ROBO1: variants seen among roughly 807,000 people sequenced by gnomAD.
ROBO1 encodes the protein roundabout homolog 1.
ROBO1 carries 149 observed loss-of-function variants against 195.9 expected under a neutral mutation model. That is an observed-to-expected ratio of 0.76 (90% CI 0.67 to 0.87). The LOEUF is 0.87. Ranked by LOEUF, ROBO1 falls within the 40% of genes least tolerant of loss-of-function variation. ROBO1 has a pLI of 0.00. For missense variants in ROBO1, 1,933 were observed against 2,068.3 expected (o/e 0.93, Z 1.27); for synonymous variants, 816 against 733.2 (o/e 1.11, Z -1.82).
At chr3:79,750,399 T>C (rs1704082487) in intron 1 of ROBO1, among the ~76,000 whole-genome samples, 2 of 152,248 alleles carry the variant, frequency 1.3e-5, no homozygotes, top group East Asian at 3.9e-4. Context: ...GTTAAAGCTC[T>C]GGGGGACTGT....
chr3:79,555,990 T>C (rs1038948420), intron 2 of ROBO1, among the ~76,000 whole-genome samples: 17 of 152,128 alleles, frequency 1.1e-4, no homozygotes, highest in Admixed American at 6.6e-4. Flanking sequence ...ATGTGCTTCT[T>C]TGTTATATAA....
At chr3:79,183,265 G>A (rs1017218682) in intron 2 of ROBO1, among the ~76,000 whole-genome samples, 2 of 152,054 alleles carry the variant, frequency 1.3e-5, no homozygotes, top group African/African-American at 4.8e-5. Flanking sequence ...ATGCAAATGG[G>A]GTAAAATAGA....
chr3:79,126,703 C>T (rs1445152561), intron 2 of ROBO1, among the ~76,000 whole-genome samples: 2 of 152,112 alleles, frequency 1.3e-5, no homozygotes, highest in South Asian at 2.1e-4. Flanking sequence ...AGTGAAGAAG[C>T]GCAGATGTTT....
intron 2 of ROBO1, among the ~76,000 whole-genome samples, chr3:79,224,947 G>C (rs2082199461): frequency 6.6e-6 from 1 of 152,126 alleles, no homozygotes; most frequent in African/African-American, 2.4e-5. Context: ...AGATGAAGCT[G>C]AGGAGGAGGA....
At chr3:79,299,992 T>C (rs2032818976) in intron 2 of ROBO1, among the ~76,000 whole-genome samples, 1 of 152,248 alleles carries the variant, frequency 6.6e-6, no homozygotes, top group African/African-American at 2.4e-5. Context: ...ATTAAATAAA[T>C]ATTTCATTTT....
intron 2 of ROBO1, among the ~76,000 whole-genome samples, chr3:79,492,425 CAGAAAA>C (rs1321614106): frequency 1.3e-3 from 110 of 85,674 alleles, no homozygotes; most frequent in African/African-American, 2.7e-3. Flanking sequence ...GACTCTGTTT[CAGAAAA>C]AAAAAAAAAA....
At chr3:78,956,172 G>A (rs1207301218) in intron 3 of ROBO1, among the ~76,000 whole-genome samples, 1 of 152,036 alleles carries the variant, frequency 6.6e-6, no homozygotes, top group Non-Finnish European at 1.5e-5. Context: ...ATATTTAAAT[G>A]AGTAATTAGT....
chr3:78,766,322 G>T (rs752530990), intron 4 of ROBO1, among the ~76,000 whole-genome samples: 8 of 152,078 alleles, frequency 5.3e-5, no homozygotes, highest in Non-Finnish European at 1.2e-4. Flanking sequence ...CTTCCTAGAA[G>T]AATATAAAAA....
In ROBO1 at chr3:78,640,940, A is replaced by C. The variant is rs572075850; in HGVS notation, c.2883-1042T>G. On this transcript the variant is annotated intron_variant, in intron 21 of 30. Coordinates refer to ENST00000464233, the MANE Select transcript of ROBO1 (RefSeq NM_002941.4). Reference sequence around the variant, plus strand: ...CCTTCCATGGTTCTTATTCTAGCACATAGTCTACTGAGTAAAATTTAGTAT... The same window carrying C: ...CCTTCCATGGTTCTTATTCTAGCACCTAGTCTACTGAGTAAAATTTAGTAT... 2.6e-5 allele frequency among the ~76,000 whole-genome samples: 4 copies of C among 152,340 alleles called. No individual in the cohort carries two copies. In the East Asian group the frequency reaches 7.7e-4, roughly 29 times the overall value.
chr3:78,642,603 C>T (rs758687480), intron 21 of ROBO1, among the ~76,000 whole-genome samples: 2 of 152,188 alleles, frequency 1.3e-5, no homozygotes, highest in Non-Finnish European at 2.9e-5. Flanking sequence ...GTTTTCTCTG[C>T]TTTCTTGCTT....
chr3:79,343,894 C>G (rs934610748), intron 2 of ROBO1, among the ~76,000 whole-genome samples: 3 of 151,980 alleles, frequency 2.0e-5, no homozygotes, highest in Non-Finnish European at 4.4e-5. Context: ...GTCATAAGAC[C>G]TAGTTGTTTG....
chr3:79,330,012 T>C (rs1423152136), intron 2 of ROBO1, among the ~76,000 whole-genome samples: 1 of 151,980 alleles, frequency 6.6e-6, no homozygotes, highest in African/African-American at 2.4e-5. Context: ...TCAATAACCT[T>C]ATATAATTTT....
At chr3:79,609,613 G>A (rs902937722) in intron 1 of ROBO1, among the ~76,000 whole-genome samples, 8 of 152,018 alleles carry the variant, frequency 5.3e-5, no homozygotes, top group Admixed American at 5.3e-4. Flanking sequence ...TATGTCCATG[G>A]ATAGGTGAAC....
chr3:79,121,313 A>G (rs1399218557), intron 3 of ROBO1, among the ~76,000 whole-genome samples: 1 of 152,134 alleles, frequency 6.6e-6, no homozygotes, highest in African/African-American at 2.4e-5. Flanking sequence ...AGACACAAGA[A>G]TCAGTGTCAT....
intron 2 of ROBO1, among the ~76,000 whole-genome samples, chr3:79,320,342 T>C (rs2033925503): frequency 6.6e-6 from 1 of 152,142 alleles, no homozygotes; most frequent in Non-Finnish European, 1.5e-5. Context: ...TCTTTTCGTT[T>C]GTTTGTTTCA....
At chr3:79,663,355 C>T (rs1174987843) in intron 1 of ROBO1, among the ~76,000 whole-genome samples, 1 of 151,996 alleles carries the variant, frequency 6.6e-6, no homozygotes, top group Non-Finnish European at 1.5e-5. Context: ...GCAGTGCTTG[C>T]AATTCTTTAT....
intron 1 of ROBO1, among the ~76,000 whole-genome samples, chr3:79,737,811 A>G (rs1230819752): frequency 6.6e-6 from 1 of 152,208 alleles, no homozygotes; most frequent in Non-Finnish European, 1.5e-5. Context: ...TGAATGCCAT[A>G]AGGAATAAAG....
At chr3:79,467,051 G>A (rs1026794905) in intron 2 of ROBO1, among the ~76,000 whole-genome samples, 2 of 152,194 alleles carry the variant, frequency 1.3e-5, no homozygotes, top group Middle Eastern at 3.4e-3. Flanking sequence ...AGAGACACGT[G>A]GCACTAGTGG....
chr3:78,657,293 T>G, intron 17 of ROBO1, 24 bp from the exon 18 acceptor site: 1 of 1,611,102 alleles, frequency 6.2e-7, no homozygotes, highest in Non-Finnish European at 8.5e-7. Context: ...ATCACAAAAA[T>G]CAAGCTGGTA....
Sources: allele counts gnomAD v4.1 joint callset (sites outside exome capture counted in the v4.1 genomes callset), GRCh38; gene constraint gnomAD v4.1.1; transcripts MANE v1.5; gene names NCBI Gene and HGNC (gene_info 2026-07-23, HGNC 2026-07-21).